FMNL3: variants seen among roughly 807,000 people sequenced by gnomAD.
FMNL3 encodes the protein formin-like protein 3.
FMNL3 carries 57 observed loss-of-function variants against 119.6 expected under a neutral mutation model. That is an observed-to-expected ratio of 0.48 (90% CI 0.39 to 0.59). The LOEUF (loss-of-function observed/expected upper bound fraction) is 0.59, where lower values mean the gene tolerates loss of function less well. FMNL3 is among the 20% of genes least tolerant of loss of function. The pLI, the probability that FMNL3 is intolerant of heterozygous loss-of-function variation, is 0.00. For synonymous variants in FMNL3, 491 were observed against 507.3 expected, an observed-to-expected ratio of 0.97 and a Z score of 0.43; for missense variants, 1,053 against 1,323.5, an observed-to-expected ratio of 0.80 and a Z score of 3.17.
chr12:49,683,147 G>C (rs1043321426), intron 1 of FMNL3, among the ~76,000 whole-genome samples: 6 of 152,144 alleles, frequency 3.9e-5, no homozygotes, highest in African/African-American at 7.2e-5. Flanking sequence ...CCTAGGAGTT[G>C]TCCCTCCCCA....
At chr12:49,697,844 A>G (rs1363802922) in intron 1 of FMNL3, among the ~76,000 whole-genome samples, 1 of 151,958 alleles carries the variant, frequency 6.6e-6, no homozygotes, top group Non-Finnish European at 1.5e-5. Flanking sequence ...GGATTTGCCT[A>G]AAGTCGTGCA....
chr12:49,676,743 T>C (rs190480409), intron 1 of FMNL3, among the ~76,000 whole-genome samples: 5 of 152,242 alleles, frequency 3.3e-5, no homozygotes, highest in African/African-American at 9.6e-5. Context: ...TTTACCACTG[T>C]CCTTACTATT....
chr12:49,660,704 C>T (rs1483641840), intron 5 of FMNL3, among the ~76,000 whole-genome samples: 1 of 152,256 alleles, frequency 6.6e-6, no homozygotes, highest in Non-Finnish European at 1.5e-5. Context: ...CGCCTGCAAT[C>T]CCAGCACTTT....
chr12:49,693,307 T>G (rs563872411), intron 1 of FMNL3, among the ~76,000 whole-genome samples: 8 of 152,180 alleles, frequency 5.3e-5, no homozygotes, highest in African/African-American at 1.9e-4. Flanking sequence ...GCGGTGGCAG[T>G]AGAGAAAAGG....
intron 1 of FMNL3, among the ~76,000 whole-genome samples, chr12:49,676,405 T>C (rs1944186915): frequency 2.6e-5 from 4 of 152,174 alleles, no homozygotes; most frequent in Admixed American, 2.6e-4. Flanking sequence ...CAACAACTAT[T>C]TTAGACCATG....
At chr12:49,706,032 T>C (rs1337613386) in intron 1 of FMNL3, among the ~76,000 whole-genome samples, 1 of 152,154 alleles carries the variant, frequency 6.6e-6, no homozygotes, top group Non-Finnish European at 1.5e-5. Context: ...GCCAGAATTA[T>C]TACTGCTTCT....
chr12:49,663,013 GT>G (rs1488063420), intron 4 of FMNL3, among the ~76,000 whole-genome samples: 3 of 152,172 alleles, frequency 2.0e-5, no homozygotes, highest in African/African-American at 7.2e-5. Context: ...TGGAAAACCA[GT>G]GCCATGTTGG....
intron 1 of FMNL3, among the ~76,000 whole-genome samples, chr12:49,670,885 C>A (rs974721089): frequency 6.6e-6 from 1 of 152,168 alleles, no homozygotes; most frequent in Non-Finnish European, 1.5e-5. Context: ...CTCAGCCTAA[C>A]TGTGGCCAGG....
At chr12:49,697,891 C>G (rs1944794946) in intron 1 of FMNL3, among the ~76,000 whole-genome samples, 1 of 151,726 alleles carries the variant, frequency 6.6e-6, no homozygotes, top group Non-Finnish European at 1.5e-5. Context: ...TGGATCAGAA[C>G]CTAAGTCTTC....
In FMNL3 at chr12:49,658,527, A is replaced by C. The variant is rs758869269; in HGVS notation, c.520T>G (p.Ser174Ala). 1.2e-6 allele frequency: 2 copies of C among 1,613,588 alleles called. No individual in the cohort carries two copies. The highest frequency in any genetic ancestry group is 1.7e-6 in the Non-Finnish European group (2 of 1,179,728). Residue 174 changes from serine to alanine, a missense_variant, in exon 6 of 26, where the codon TCA becomes GCA. Ser to Ala is a moderately conservative substitution (Grantham distance 99). Around this residue, in one of 4 missense-constraint regions of FMNL3, gnomAD observed 264 missense variants for 265.5 expected, o/e 0.99. Coordinates refer to ENST00000335154, the MANE Select transcript of FMNL3 (RefSeq NM_175736.5). The part of the protein sequence containing the change: ...AFDKLRSWSR[S>A]IEDLQPPSAL... Reference sequence around the variant, plus strand: ...CTGGGTGGCTGCAGGTCCTCGATTGACCTGCTCCAGGACCGGAGTTTGTCA... The same window carrying C: ...CTGGGTGGCTGCAGGTCCTCGATTGCCCTGCTCCAGGACCGGAGTTTGTCA...
chr12:49,642,168 T>C lies in FMNL3; in HGVS notation c.*3647A>G. 1 of 1,612,862 alleles carries C rather than the reference T, an allele frequency of 6.2e-7. No homozygotes were observed. The highest frequency in any genetic ancestry group is 8.5e-7 in the Non-Finnish European group (1 of 1,179,244). On this transcript the variant is annotated 3_prime_UTR_variant, in exon 26 of 26. Transcript: ENST00000335154. This position sits in a 1 kb window ranked among gnomAD's most constrained non-coding sequence, Gnocchi z 5.8. ...GACCCTAACTTTCCACCTCCTAAGG[T>C]ATGCCTGAGTGGGACCTGGCATCCA...
rs1038166498 is a variant in FMNL3 at position 49,643,673 on chromosome 12, G to C, written c.*2142C>G. 9 of 1,611,174 alleles carry C rather than the reference G, an allele frequency of 5.6e-6. No individual in the cohort carries two copies. In the African/African-American group the frequency reaches 1.2e-4, roughly 22 times the overall value. ...TCTTTCTCCTGTTGGGACTTAGTAG[G>C]GATTTTTCTATCTCTAGATCATGGC... is the stretch of plus-strand genomic sequence containing the variant. On this transcript the variant is annotated 3_prime_UTR_variant, in exon 26 of 26. Coordinates refer to ENST00000335154, the MANE Select transcript of FMNL3 (RefSeq NM_175736.5).
At chr12:49,706,521 T>G (rs934629029) in intron 1 of FMNL3, among the ~76,000 whole-genome samples, 8 of 151,752 alleles carry the variant, frequency 5.3e-5, no homozygotes, top group Non-Finnish European at 1.0e-4. Flanking sequence ...TTCCACCCCC[T>G]TCAGGAGCTG....
Position 49,643,858 on chromosome 12 carries a change from C to G in FMNL3, c.*1957G>C, listed in dbSNP as rs1364417265. The G allele has an allele frequency of 1.2e-6, 2 of 1,614,044 alleles. No individual in the cohort carries two copies. Among genetic ancestry groups the G allele is most frequent in the Non-Finnish European group, 1.7e-6 (2 of 1,180,012 alleles). On this transcript the variant is annotated 3_prime_UTR_variant, in exon 26 of 26. Transcript: ENST00000335154. ...TGAGGAGGTGGGCTCTGGACTCTTA[C>G]AGAATAGTCCTGAGAGTGAGACAGA...
intron 1 of FMNL3, among the ~76,000 whole-genome samples, chr12:49,693,566 G>C (rs1329049721): frequency 7.1e-6 from 1 of 140,890 alleles, no homozygotes; most frequent in African/African-American, 2.7e-5. Flanking sequence ...AAACAGTTTT[G>C]TCATGTTGGC....
At chr12:49,693,185 G>C (rs1210909951) in intron 1 of FMNL3, among the ~76,000 whole-genome samples, 1 of 152,106 alleles carries the variant, frequency 6.6e-6, no homozygotes, top group Admixed American at 6.5e-5. Flanking sequence ...TTTTAAATTT[G>C]GGTGCTTTGT....
At chr12:49,704,710 CAAAAAAAAAAAAAAA>C (rs59799899) in intron 1 of FMNL3, among the ~76,000 whole-genome samples, 8,493 of 38,216 alleles carry the variant, frequency 0.22, 646 homozygotes, top group African/African-American at 0.36. Context: ...AACTCCATCT[CAAAAAAAAAAAAAAA>C]AAAAAAAAAA....
At chr12:49,703,428 C>A (rs577980761) in intron 1 of FMNL3, among the ~76,000 whole-genome samples, 1 of 152,114 alleles carries the variant, frequency 6.6e-6, no homozygotes, top group South Asian at 2.1e-4. Context: ...TCTCAATACC[C>A]AACAGAATGG....
At position 49,639,130 on chromosome 12, in the gene FMNL3, C is replaced by G; in HGVS notation, c.*6685G>C. On this transcript the variant is annotated 3_prime_UTR_variant, in exon 26 of 26. Transcript: ENST00000335154. Reference sequence around the variant, plus strand: ...GCTAAAATAAGAAATTTGGATTTTTCTCTCGTAAGTAATGAGGAACCGGGG... The same window carrying G: ...GCTAAAATAAGAAATTTGGATTTTTGTCTCGTAAGTAATGAGGAACCGGGG... 6.6e-6 allele frequency: 1 copy of G among 152,152 alleles called. No homozygotes were observed. The highest frequency in any genetic ancestry group is 1.9e-4 in the East Asian group (1 of 5,190). 9.4% of individuals were successfully genotyped at this position (152,152 alleles called of 1,614,324 possible).
Sources: gnomAD v4.1 joint callset for allele counts (sites outside exome capture counted in the v4.1 genomes callset) on GRCh38, gnomAD v4.1.1 for gene constraint, gnomAD v4.1.1 regional missense constraint, Gnocchi (gnomAD v3.1) non-coding constraint, MANE v1.5 for transcripts, NCBI Gene and HGNC (gene_info 2026-07-23, HGNC 2026-07-21) for gene names.